WASHC4: variants seen among roughly 807,000 people sequenced by gnomAD.
The protein encoded by WASHC4 is WASH complex subunit 7.
WASHC4 carries 86 observed loss-of-function variants against 166.6 expected under a neutral mutation model. The ratio of observed to expected loss-of-function variants is 0.52; its 90% CI spans 0.43 to 0.62. WASHC4 has a LOEUF of 0.62. WASHC4 is among the 20% of genes least tolerant of loss of function. The probability of loss-of-function intolerance (pLI) is 0.00; values close to 1 mark genes in which losing one functional copy is unlikely to be tolerated. For synonymous variants in WASHC4, 446 were observed against 451.6 expected (o/e 0.99, Z 0.16); for missense variants, 1,262 against 1,382.4 (o/e 0.91, Z 1.38).
intron 24 of WASHC4, chr12:105,147,415 A>C: frequency 2.1e-6 from 1 of 475,222 alleles, no homozygotes; most frequent in Non-Finnish European, 3.8e-6. Context: ...ACATCAGCAC[A>C]TTAATATATG....
intron 13 of WASHC4, among the ~76,000 whole-genome samples, chr12:105,131,802 TATG>T (rs1440078617): frequency 6.6e-6 from 1 of 152,240 alleles, no homozygotes; most frequent in African/African-American, 2.4e-5. Flanking sequence ...AGCCACAAAG[TATG>T]ACTATTTGTG....
Position 105,149,661 on chromosome 12 carries a change from G to A in WASHC4, c.2561G>A (p.Ser854Asn). The A allele has an allele frequency of 6.4e-7, 1 of 1,558,724 alleles. No individual in the cohort carries two copies. The highest frequency in any genetic ancestry group is 8.8e-7 in the Non-Finnish European group (1 of 1,133,850). Reference sequence around the variant, plus strand: ...TTGAAAAAGAAGTTCTATATATTTAGCCAATTTATGTATGATGAACACATC... The same window carrying A: ...TTGAAAAAGAAGTTCTATATATTTAACCAATTTATGTATGATGAACACATC... Reference protein sequence around the residue: ...QFLKKKFYIFSQFMYDEHIKS... With the variant: ...QFLKKKFYIFNQFMYDEHIKS... Residue 854 changes from serine to asparagine, a missense_variant, in exon 25 of 33, where the codon AGC (serine) becomes AAC (asparagine). Ser to Asn is a conservative substitution (Grantham distance 46). Coordinates refer to ENST00000332180, the MANE Select transcript of WASHC4 (RefSeq NM_015275.3).
chr12:105,144,278 T>C lies in WASHC4; in HGVS notation c.2011-9T>C. 1 of 1,608,412 alleles carries C rather than the reference T, an allele frequency of 6.2e-7. No individual in the cohort carries two copies. Among genetic ancestry groups the C allele is most frequent in the Non-Finnish European group, 8.5e-7 (1 of 1,175,660 alleles). On this transcript the variant is annotated splice_polypyrimidine_tract_variant and intron_variant, in intron 20 of 32. Coordinates refer to ENST00000332180, the MANE Select transcript of WASHC4 (RefSeq NM_015275.3). ...TGAAAAATTAAAGTATCAAATCTTT[T>C]GTGAATAGCATTTGCTGGACAAATT...
intron 26 of WASHC4, among the ~76,000 whole-genome samples, chr12:105,156,297 G>C (rs1884158346): frequency 6.6e-6 from 1 of 152,102 alleles, no homozygotes; most frequent in East Asian, 1.9e-4. Context: ...AAAACCTAGA[G>C]TTCAGAGGAA....
At chr12:105,155,875 A>G (rs879743854) in intron 26 of WASHC4, among the ~76,000 whole-genome samples, 2 of 152,100 alleles carry the variant, frequency 1.3e-5, no homozygotes, top group African/African-American at 2.4e-5. Context: ...GCTCTAACTT[A>G]GTTTTTAAAA....
chr12:105,133,939 A>G, intron 14 of WASHC4, 43 bp downstream of exon 14: 1 of 1,586,338 alleles, frequency 6.3e-7, no homozygotes, highest in Non-Finnish European at 8.6e-7. Context: ...TTGTTAATCC[A>G]ACTTACAGAA....
chr12:105,114,206 G>A lies in WASHC4; in HGVS notation c.202-10G>A. The A allele has an allele frequency of 6.2e-7, 1 of 1,606,998 alleles. No individual in the cohort carries two copies. Among genetic ancestry groups the A allele is most frequent in the Non-Finnish European group, 8.5e-7 (1 of 1,175,518 alleles). ...ATTAAAAGAAATGTTCTTTTCCTTT[G>A]TTTCTGTAGCTTTTGCCTTATGAAC... On this transcript the variant is annotated splice_polypyrimidine_tract_variant and intron_variant, in intron 2 of 32. Coordinates refer to ENST00000332180, the MANE Select transcript of WASHC4 (RefSeq NM_015275.3).
At chr12:105,121,396 G>A (rs1880728539) in intron 9 of WASHC4, among the ~76,000 whole-genome samples, 192 bp downstream of exon 9, 1 of 152,196 alleles carries the variant, frequency 6.6e-6, no homozygotes, top group African/African-American at 2.4e-5. Context: ...GTTGGGACGA[G>A]TATAATACAT....
intron 15 of WASHC4, among the ~76,000 whole-genome samples, chr12:105,139,886 GT>G (rs1175367513): frequency 6.9e-4 from 99 of 142,494 alleles, no homozygotes; most frequent in Non-Finnish European, 6.5e-4. Flanking sequence ...TACTTTGTAA[GT>G]TTTTTTTTTT....
intron 13 of WASHC4, among the ~76,000 whole-genome samples, chr12:105,131,366 G>A (rs1351294968): frequency 1.3e-5 from 2 of 152,118 alleles, no homozygotes; most frequent in African/African-American, 2.4e-5. Flanking sequence ...GATTACAGGC[G>A]TGAGCCACCG....
chr12:105,123,057 G>A (rs1021497263), intron 10 of WASHC4, among the ~76,000 whole-genome samples: 6 of 152,342 alleles, frequency 3.9e-5, no homozygotes, highest in Admixed American at 2.6e-4. Context: ...GCTCATGCCT[G>A]TAATCCCAGC....
chr12:105,152,495 A>G (rs2135821744), intron 26 of WASHC4, 44 bp downstream of exon 26: 2 of 1,022,364 alleles, frequency 2.0e-6, no homozygotes, highest in South Asian at 1.3e-5. Flanking sequence ...ACAGATCCCT[A>G]CAGTCTATCT....
intron 2 of WASHC4, among the ~76,000 whole-genome samples, chr12:105,112,157 G>C (rs1193954023): frequency 6.6e-6 from 1 of 152,142 alleles, no homozygotes; most frequent in Non-Finnish European, 1.5e-5. Flanking sequence ...CATACGATAT[G>C]TGCTCCTTTG....
At chr12:105,159,573 G>A (rs1264634189) in intron 28 of WASHC4, among the ~76,000 whole-genome samples, 3 of 152,152 alleles carry the variant, frequency 2.0e-5, no homozygotes, top group Non-Finnish European at 4.4e-5. Flanking sequence ...TGTACATGAG[G>A]GATGCAGGAG....
chr12:105,125,326 T>TA (rs1881181969), intron 10 of WASHC4, among the ~76,000 whole-genome samples: 1 of 152,164 alleles, frequency 6.6e-6, no homozygotes, highest in South Asian at 2.1e-4. Context: ...CTAGAAATAT[T>TA]AAAAAAACTT....
chr12:105,129,680 C>T (rs1881623972), intron 13 of WASHC4, among the ~76,000 whole-genome samples: 1 of 152,122 alleles, frequency 6.6e-6, no homozygotes, highest in South Asian at 2.1e-4. Context: ...ATAGTTTGGC[C>T]TTTAAAAGAG....
chr12:105,132,787 A>AGTGTGTGTGT lies in WASHC4; in HGVS notation c.1200-948_1200-939dup, dbSNP rs58569487. On this transcript the variant is annotated intron_variant, in intron 13 of 32. Coordinates refer to ENST00000332180, the MANE Select transcript of WASHC4 (RefSeq NM_015275.3). ...AGTTAATGTGAGGGGTGAAAGAGGT[A>AGTGTGTGTGT]GTGTGTGTGTGTGTGTGTGTGTGTG... is the stretch of plus-strand genomic sequence containing the variant. Among the ~76,000 whole-genome samples, 71 of 142,532 alleles carry AGTGTGTGTGT rather than the reference A, an allele frequency of 5.0e-4. 1 individual carries two copies. The East Asian group carries it at 5.1e-3, about 10-fold the overall frequency. The allele number at this position is 142,532 out of a possible 152,430, so 93.5% of individuals were successfully genotyped here. A position where few individuals can be genotyped will look rare whatever the true frequency, so the allele number is the denominator to read the frequency against.
intron 28 of WASHC4, among the ~76,000 whole-genome samples, chr12:105,158,372 T>C (rs886854219): frequency 6.6e-6 from 1 of 152,158 alleles, no homozygotes; most frequent in Non-Finnish European, 1.5e-5. Flanking sequence ...TGATCAAACT[T>C]AGCATCACCA....
chr12:105,118,311 G>C lies in WASHC4; in HGVS notation c.436-135G>C, dbSNP rs897540689. ...GATTGCTTGAGGGATGCTTGAACTT[G>C]TCTGGCTTTTGGTTAACTGGAGGCT... On this transcript the variant is annotated intron_variant, in intron 6 of 32. Transcript: ENST00000332180. 5.6e-6 allele frequency: 4 copies of C among 720,478 alleles called. No homozygotes were observed. The East Asian group carries it at 8.1e-5, about 15-fold the overall frequency. The allele number at this position is 720,478 out of a possible 1,614,324, so 44.6% of individuals were successfully genotyped here. A position where few individuals can be genotyped will look rare whatever the true frequency, so the allele number is the denominator to read the frequency against.
Sources: allele counts gnomAD v4.1 joint callset (sites outside exome capture counted in the v4.1 genomes callset), GRCh38; gene constraint gnomAD v4.1.1; transcripts MANE v1.5; gene names NCBI Gene and HGNC (gene_info 2026-07-23, HGNC 2026-07-21).